The following INPP4B variants were observed in gnomAD, a reference collection of about 807,000 sequenced individuals.
INPP4B encodes inositol polyphosphate-4-phosphatase type II B, also known as inositol polyphosphate 4-phosphatase type II.
Under a neutral mutation model 122.5 loss-of-function variants are expected in INPP4B, and 55 were observed. The observed-to-expected ratio is 0.45, with a 90% CI of 0.36 to 0.56. INPP4B has a LOEUF of 0.56. Among genes scored for constraint, INPP4B ranks in the 20% least tolerant of loss-of-function variants. The pLI, the probability that INPP4B is intolerant of heterozygous loss-of-function variation, is 0.00. For synonymous variants in INPP4B, 403 were observed against 388.7 expected, an observed-to-expected ratio of 1.04 and a Z score of -0.43; for missense variants, 1,000 against 1,097.7, an observed-to-expected ratio of 0.91 and a Z score of 1.26.
At chr4:142,586,301 T>A (rs377637151) in intron 2 of INPP4B, among the ~76,000 whole-genome samples, 33 of 129,714 alleles carry the variant, frequency 2.5e-4, no homozygotes, top group African/African-American at 8.6e-4. Flanking sequence ...TCGACAGAGC[T>A]AGACCCTGTC....
intron 2 of INPP4B, among the ~76,000 whole-genome samples, chr4:142,611,384 T>A (rs1255688222): frequency 6.6e-6 from 1 of 152,168 alleles, no homozygotes; most frequent in East Asian, 1.9e-4. Context: ...CCAGAATATA[T>A]GCTGGTATTT....
At chr4:142,297,750 A>C (rs924595102) in intron 9 of INPP4B, among the ~76,000 whole-genome samples, 11 of 152,216 alleles carry the variant, frequency 7.2e-5, no homozygotes, top group Non-Finnish European at 1.5e-5. Context: ...GCAGCCTAAC[A>C]CACCAAGTTT....
At chr4:142,398,645 CA>C (rs1800554555) in intron 7 of INPP4B, among the ~76,000 whole-genome samples, 1 of 151,262 alleles carries the variant, frequency 6.6e-6, no homozygotes, top group Admixed American at 6.6e-5. Context: ...AAATGCAAAA[CA>C]TTATCTTACA....
At chr4:142,836,489 C>A (rs1782789934) in intron 1 of INPP4B, among the ~76,000 whole-genome samples, 1 of 151,610 alleles carries the variant, frequency 6.6e-6, no homozygotes, top group Admixed American at 6.6e-5. Context: ...GAAGCACAAA[C>A]AAGTGGGAAA....
At chr4:142,766,477 T>C (rs1255380728) in intron 1 of INPP4B, among the ~76,000 whole-genome samples, 1 of 151,876 alleles carries the variant, frequency 6.6e-6, no homozygotes, top group African/African-American at 2.4e-5. Flanking sequence ...CTCAAGTGAT[T>C]CTCCTGCCTC....
chr4:142,466,482 G>A (rs1817802171), intron 2 of INPP4B, among the ~76,000 whole-genome samples: 1 of 152,156 alleles, frequency 6.6e-6, no homozygotes, highest in African/African-American at 2.4e-5. Flanking sequence ...ACTTAAATCA[G>A]ATACAAGGCA....
At chr4:142,389,748 T>G (rs1449818356) in intron 7 of INPP4B, among the ~76,000 whole-genome samples, 1 of 152,200 alleles carries the variant, frequency 6.6e-6, no homozygotes, top group Non-Finnish European at 1.5e-5. Flanking sequence ...GATTAAAATT[T>G]GCTAAGAGTT....
chr4:142,705,579 T>C (rs1483604386), intron 2 of INPP4B, among the ~76,000 whole-genome samples: 1 of 152,054 alleles, frequency 6.6e-6, no homozygotes, highest in Non-Finnish European at 1.5e-5. Context: ...ATATATTGCT[T>C]CTGGGAAGCT....
chr4:142,758,756 C>T (rs1770864515), intron 1 of INPP4B, among the ~76,000 whole-genome samples: 1 of 152,062 alleles, frequency 6.6e-6, no homozygotes, highest in Non-Finnish European at 1.5e-5. Flanking sequence ...AGTTCAAGAC[C>T]AGCATGGCTA....
intron 12 of INPP4B, among the ~76,000 whole-genome samples, chr4:142,234,386 T>C (rs143649391): frequency 2.6e-5 from 4 of 152,178 alleles, no homozygotes; most frequent in Non-Finnish European, 5.9e-5. Flanking sequence ...ATTTAGTGCA[T>C]TACACTTTTC....
chr4:142,525,377 G>T (rs1826763287), intron 2 of INPP4B, among the ~76,000 whole-genome samples: 1 of 139,536 alleles, frequency 7.2e-6, no homozygotes, highest in South Asian at 2.4e-4. Context: ...TCACAGAATT[G>T]GAAAAAACTA....
intron 9 of INPP4B, among the ~76,000 whole-genome samples, chr4:142,293,402 C>T (rs1429461516): frequency 6.6e-6 from 1 of 152,028 alleles, no homozygotes; most frequent in Non-Finnish European, 1.5e-5. Context: ...AAGTGATCAT[C>T]CTCCATTGCA....
chr4:142,572,635 G>A (rs537788922), intron 2 of INPP4B, among the ~76,000 whole-genome samples: 1 of 152,014 alleles, frequency 6.6e-6, no homozygotes, highest in African/African-American at 2.4e-5. Context: ...TTCAGAAAAC[G>A]GAATTTTTTA....
At chr4:142,107,956 T>C (rs910199062) in intron 23 of INPP4B, 137 bp downstream of exon 23, 1 of 574,540 alleles carries the variant, frequency 1.7e-6, no homozygotes, top group Non-Finnish European at 3.0e-6. Flanking sequence ...ATCAGTCTTT[T>C]TGGATCAGAT....
At chr4:142,696,151 T>C (rs11943397) in intron 2 of INPP4B, among the ~76,000 whole-genome samples, 87,651 of 151,996 alleles carry the variant, frequency 0.58, 26,486 homozygotes, top group East Asian at 0.8. Context: ...GGAAGTCAAA[T>C]AATGACACCA....
At chr4:142,627,257 C>T (rs1238227291) in intron 2 of INPP4B, among the ~76,000 whole-genome samples, 1 of 151,556 alleles carries the variant, frequency 6.6e-6, no homozygotes, top group Non-Finnish European at 1.5e-5. Flanking sequence ...CTTCTCCTGC[C>T]TAATTGCCCT....
chr4:142,089,892 CT>C (rs1230799618), intron 23 of INPP4B, among the ~76,000 whole-genome samples: 1 of 152,098 alleles, frequency 6.6e-6, no homozygotes, highest in East Asian at 1.9e-4. Context: ...ACTGAAGTGA[CT>C]TTTTCACAAA....
chr4:142,402,129 A>G (rs920069891), intron 7 of INPP4B, among the ~76,000 whole-genome samples: 1 of 152,128 alleles, frequency 6.6e-6, no homozygotes, highest in Non-Finnish European at 1.5e-5. Flanking sequence ...CTCTCCTGGA[A>G]CCCACTGGTC....
intron 23 of INPP4B, among the ~76,000 whole-genome samples, chr4:142,087,849 A>G (rs1777580254): frequency 6.6e-6 from 1 of 152,192 alleles, no homozygotes; most frequent in South Asian, 2.1e-4. Context: ...TAAGAGCAGA[A>G]GTGGTTGGTA....
Sources: gnomAD v4.1 joint callset for allele counts (sites outside exome capture counted in the v4.1 genomes callset) on GRCh38, gnomAD v4.1.1 for gene constraint, MANE v1.5 for transcripts, NCBI Gene and HGNC (gene_info 2026-07-23, HGNC 2026-07-21) for gene names.